Variants in INSR observed in about 807,000 individuals in gnomAD.
INSR encodes insulin receptor.
In INSR, 67 loss-of-function variants were observed where a neutral mutation model predicts 142.6. The ratio of observed to expected loss-of-function variants is 0.47; its 90% confidence interval spans 0.39 to 0.58. The LOEUF (loss-of-function observed/expected upper bound fraction) is 0.58, where lower values mean the gene tolerates loss of function less well. INSR is among the 20% of genes least tolerant of loss of function. The pLI, the probability that INSR is intolerant of heterozygous loss-of-function variation, is 0.00. For synonymous variants in INSR, 756 were observed against 743.1 expected, an observed-to-expected ratio of 1.02 and a Z score of -0.28; for missense variants, 1,248 against 1,833.2, an observed-to-expected ratio of 0.68 and a Z score of 5.83.
At chr19:7,242,690 T>C (rs1600082459) in intron 2 of INSR, among the ~76,000 whole-genome samples, 1 of 122,174 alleles carries the variant, frequency 8.2e-6, no homozygotes, top group African/African-American at 3.3e-5. Flanking sequence ...TGAGCCAAGA[T>C]CGCACCACTG....
chr19:7,226,439 C>G (rs11669336), intron 2 of INSR, among the ~76,000 whole-genome samples: 32,234 of 132,854 alleles, frequency 0.24, 4,719 homozygotes, highest in Middle Eastern at 0.41. Context: ...AAAAACAACT[C>G]TAAGTACCAA....
chr19:7,189,254 G>A (rs1054859744), intron 2 of INSR, among the ~76,000 whole-genome samples: 15 of 152,164 alleles, frequency 9.9e-5, no homozygotes, highest in African/African-American at 3.1e-4. Flanking sequence ...CAAAAGAGGC[G>A]TCATCAATGG....
intron 2 of INSR, among the ~76,000 whole-genome samples, chr19:7,208,434 AT>A: frequency 6.6e-6 from 1 of 152,298 alleles, no homozygotes; most frequent in East Asian, 1.9e-4. Flanking sequence ...GAAAAAAAAA[AT>A]CCCTGAAAAA....
Position 7,225,903 on chromosome 19 carries a change from C to T in INSR, c.653-41266G>A. Among the ~76,000 whole-genome samples, 1 of 152,270 alleles carries T rather than the reference C, an allele frequency of 6.6e-6. No individual in the cohort carries two copies. The highest frequency in any genetic ancestry group is 1.9e-4 in the East Asian group (1 of 5,168). On this transcript the variant is annotated intron_variant, in intron 2 of 21. Transcript: ENST00000302850. The surrounding 1 kb of genome is among the most constrained non-coding windows in gnomAD (Gnocchi z 4.7). ...TGGAAGCCAGGGATGCTGCTAGCAC[C>T]CTCAGTGCCCAGGACGGCCCCACCC... is the stretch of plus-strand genomic sequence containing the variant.
intron 2 of INSR, among the ~76,000 whole-genome samples, chr19:7,239,624 G>A (rs1010611070): frequency 6.6e-6 from 1 of 151,992 alleles, no homozygotes; most frequent in Non-Finnish European, 1.5e-5. Flanking sequence ...TCACAAATGG[G>A]TAGGAGGAGA....
chr19:7,152,366 G>A, intron 10 of INSR: 1 of 325,648 alleles, frequency 3.1e-6, no homozygotes, highest in Non-Finnish European at 5.8e-6. Flanking sequence ...GGACGATAGA[G>A]TGAGACTCTG....
rs1394971883 is a variant in INSR at position 7,149,651 on chromosome 19, GTC to G, written c.2267+844_2267+845del. Reference sequence around the variant, plus strand: ...AGCCTGACCAACATGGAGAAACCCTGTCTCTACTAAAAGTACAAAAATTAGCC... The same window carrying G: ...AGCCTGACCAACATGGAGAAACCCTGTCTACTAAAAGTACAAAAATTAGCC... On this transcript the variant is annotated intron_variant, in intron 11 of 21. Coordinates refer to ENST00000302850, the MANE Select transcript of INSR (RefSeq NM_000208.4). 3.3e-5 allele frequency among the ~76,000 whole-genome samples: 5 copies of G among 152,026 alleles called. No homozygotes were observed. The East Asian group carries it at 9.7e-4, about 29-fold the overall frequency.
chr19:7,257,754 G>A (rs1420998492), intron 2 of INSR, among the ~76,000 whole-genome samples: 1 of 152,160 alleles, frequency 6.6e-6, no homozygotes, highest in Non-Finnish European at 1.5e-5. Context: ...GCAAAGGGCA[G>A]CTGGGCTGTA....
chr19:7,156,776 TTC>T, intron 9 of INSR, among the ~76,000 whole-genome samples: 1 of 146,648 alleles, frequency 6.8e-6, no homozygotes, highest in African/African-American at 2.5e-5. Flanking sequence ...ACAATACTAT[TTC>T]TCTCTTTTTT....
intron 3 of INSR, among the ~76,000 whole-genome samples, chr19:7,180,875 T>G (rs976946196): frequency 6.6e-6 from 1 of 152,182 alleles, no homozygotes; most frequent in Non-Finnish European, 1.5e-5. Context: ...GTTTGGATTC[T>G]GTCCATTGGT....
intron 1 of INSR, among the ~76,000 whole-genome samples, chr19:7,279,710 C>T (rs1968154553): frequency 6.6e-6 from 1 of 151,726 alleles, no homozygotes; most frequent in African/African-American, 2.4e-5. Context: ...AAGAGAGGCT[C>T]ACGCCTGGAA....
intron 1 of INSR, among the ~76,000 whole-genome samples, chr19:7,284,342 A>T (rs1406899728): frequency 6.6e-6 from 1 of 151,872 alleles, no homozygotes; most frequent in Non-Finnish European, 1.5e-5. Flanking sequence ...GGGATTGCAG[A>T]TGTGAGCCAC....
chr19:7,260,885 T>C (rs948381877), intron 2 of INSR, among the ~76,000 whole-genome samples: 10 of 151,520 alleles, frequency 6.6e-5, no homozygotes, highest in Non-Finnish European at 2.9e-5. Context: ...AACTTCTTTT[T>C]TTTTTTTTTA....
intron 1 of INSR, among the ~76,000 whole-genome samples, chr19:7,271,446 G>A (rs1967924694): frequency 6.6e-6 from 1 of 152,078 alleles, no homozygotes; most frequent in South Asian, 2.1e-4. Flanking sequence ...GTTGCAGTGA[G>A]CCAAGATCAC....
chr19:7,120,368 C>T (rs1485626933), intron 20 of INSR, among the ~76,000 whole-genome samples: 1 of 152,248 alleles, frequency 6.6e-6, no homozygotes, highest in Non-Finnish European at 1.5e-5. Flanking sequence ...GCCACGGGCA[C>T]ACGTCCTCAA....
chr19:7,266,114 C>A (rs1397926446), intron 2 of INSR, among the ~76,000 whole-genome samples: 2 of 152,104 alleles, frequency 1.3e-5, no homozygotes, highest in African/African-American at 2.4e-5. Context: ...CAAATAGAAA[C>A]AATGACAACA....
chr19:7,237,709 G>A (rs866206883), intron 2 of INSR, among the ~76,000 whole-genome samples: 35 of 151,566 alleles, frequency 2.3e-4, no homozygotes, highest in African/African-American at 7.5e-4. Context: ...CCAGCAACTC[G>A]GGAGGCTGAG....
chr19:7,284,329 G>A (rs942068828), intron 1 of INSR, among the ~76,000 whole-genome samples: 112 of 152,206 alleles, frequency 7.4e-4, no homozygotes, highest in Admixed American at 1.1e-3. Flanking sequence ...CTCCCAAAGT[G>A]CTGGGATTGC....
At chr19:7,237,683 G>A (rs578185466) in intron 2 of INSR, among the ~76,000 whole-genome samples, 112 of 152,098 alleles carry the variant, frequency 7.4e-4, no homozygotes, top group Admixed American at 6.5e-3. Flanking sequence ...AGGCATGGTG[G>A]CGGGTGCCTG....
Sources: allele counts gnomAD v4.1 joint callset (sites outside exome capture counted in the v4.1 genomes callset), GRCh38; gene constraint gnomAD v4.1.1; non-coding constraint Gnocchi (gnomAD v3.1); transcripts MANE v1.5; gene names NCBI Gene and HGNC (gene_info 2026-07-23, HGNC 2026-07-21).